FUNDC2: variants seen among roughly 807,000 people sequenced by gnomAD.
FUNDC2 encodes FUN14 domain-containing protein 2.
A neutral mutation model predicts 15.6 loss-of-function variants in FUNDC2; 4 were observed. The ratio of observed to expected loss-of-function variants is 0.26; its 90% CI spans 0.13 to 0.59. The LOEUF (loss-of-function observed/expected upper bound fraction) is 0.59. Among genes scored for constraint, FUNDC2 ranks in the 20% least tolerant of loss-of-function variants. The pLI, the probability that FUNDC2 is intolerant of heterozygous loss-of-function variation, is 0.90. For missense variants in FUNDC2, 98 were observed against 149.7 expected (o/e 0.65, Z 1.80); for synonymous variants, 44 against 56.9 (o/e 0.77, Z 1.02).
intron 4 of FUNDC2, chrX:155,054,321 G>T: frequency 2.7e-6 from 2 of 753,804 alleles, no homozygotes; most frequent in Non-Finnish European, 3.1e-6. Flanking sequence ...AAGAGCCATT[G>T]TCTCTACCTC....
intron 2 of FUNDC2, among the ~76,000 whole-genome samples, chrX:155,034,617 A>G (rs782805483): frequency 8.9e-6 from 1 of 112,502 alleles, no homozygotes; most frequent in South Asian, 3.7e-4. Context: ...TTAACAGTTT[A>G]CAGTCCCAGC....
Position 155,056,693 on chromosome X carries a change from TGTGACTTACCCACAGCAATGGGATG to T in FUNDC2, c.*2024_*2048del, listed in dbSNP as rs2073900086. The T allele has an allele frequency of 9.0e-6, 1 of 111,455 alleles. No individual in the cohort carries two copies. The highest frequency in any genetic ancestry group is 3.3e-5 in the African/African-American group (1 of 30,592). The allele number at this position is 111,455 out of a possible 1,213,427, so 9.2% of individuals were successfully genotyped here. ...ATAGTGGCTGCAGCCACTTTACCTG[TGTGACTTACCCACAGCAATGGGATG>T]GTAACAGCAAAGCTAACCAAAGTGC... On this transcript the variant is annotated 3_prime_UTR_variant, in exon 5 of 5. Transcript: ENST00000369498.
chrX:155,035,613 A>G (rs1173184658), intron 2 of FUNDC2, among the ~76,000 whole-genome samples: 1 of 111,656 alleles, frequency 9.0e-6, no homozygotes, highest in Non-Finnish European at 1.9e-5. Flanking sequence ...TATGTTTTCT[A>G]GATTCTTTTT....
rs1271243312 is a variant in FUNDC2, at chrX:155,058,874, AAAGTCAGTTT to A, written c.*4204_*4213del. ...CTTTTTCACATTTTTATAAAGCTTT[AAAGTCAGTTT>A]ACTGACTTTTCAAAAGTGTCTACCT... On this transcript the variant is annotated 3_prime_UTR_variant, in exon 5 of 5. Transcript: ENST00000369498. The A allele has an allele frequency of 2.7e-5, 3 of 111,333 alleles. No homozygotes were observed. The allele number at this position is 111,333 out of a possible 1,213,427, so 9.2% of individuals were successfully genotyped here.
intron 1 of FUNDC2, among the ~76,000 whole-genome samples, chrX:155,028,124 TC>T (rs2073802176): frequency 8.9e-6 from 1 of 112,040 alleles, no homozygotes; most frequent in African/African-American, 3.2e-5. Flanking sequence ...TATAGGTTGA[TC>T]AGGTATTTGC....
chrX:155,027,359 C>A (rs1028664677), intron 1 of FUNDC2: 2 of 198,446 alleles, frequency 1.0e-5, no homozygotes, highest in East Asian at 1.9e-4. Context: ...ATTCTGTCCC[C>A]GTTCTCGGAA....
At chrX:155,034,573 C>G (rs1557289010) in intron 2 of FUNDC2, among the ~76,000 whole-genome samples, 1 of 112,200 alleles carries the variant, frequency 8.9e-6, no homozygotes, top group Non-Finnish European at 1.9e-5. Context: ...TTCAGCTTCA[C>G]TAAATAATGT....
At chrX:155,031,014 TTTTC>T (rs2073813374) in intron 1 of FUNDC2, among the ~76,000 whole-genome samples, 2 of 111,416 alleles carry the variant, frequency 1.8e-5, no homozygotes, top group Non-Finnish European at 3.8e-5. Context: ...ATTCTGATTT[TTTTC>T]TTTGATTTTA....
In FUNDC2 at chrX:155,057,043, GCTAGT is replaced by G. The variant is rs1569560294; in HGVS notation, c.*2372_*2376del. 1 of 96,369 alleles carries G rather than the reference GCTAGT, an allele frequency of 1.0e-5. No individual in the cohort carries two copies. The highest frequency in any genetic ancestry group is 3.8e-5 in the African/African-American group (1 of 26,316). The allele number at this position is 96,369 out of a possible 1,213,427, so 7.9% of individuals were successfully genotyped here. A position where few individuals can be genotyped will look rare whatever the true frequency, so the allele number is the denominator to read the frequency against. On this transcript the variant is annotated 3_prime_UTR_variant, in exon 5 of 5. Coordinates refer to ENST00000369498, the MANE Select transcript of FUNDC2 (RefSeq NM_023934.4). ...CAGTATTGCAGGTTGGCCTCATCCTGCTAGTATGAGAACGGCTGTGAGTTCTGCCC... is the reference window on the plus strand; with the variant it reads ...CAGTATTGCAGGTTGGCCTCATCCTGATGAGAACGGCTGTGAGTTCTGCCC...
intron 3 of FUNDC2, chrX:155,050,686 GTACTATGGCTTGAT>G (rs782310249): frequency 1.8e-3 from 202 of 112,124 alleles, no homozygotes; most frequent in African/African-American, 6.1e-3. Context: ...ATAAATAAAG[GTACTATGGCTTGAT>G]TACTTGTGAA....
Position 155,058,900 on chromosome X carries a change from G to GTGTC in FUNDC2, c.*4230_*4233dup, listed in dbSNP as rs2073918086. The GTGTC allele has an allele frequency of 1.8e-5, 2 of 111,033 alleles. No individual in the cohort carries two copies. The highest frequency in any genetic ancestry group is 7.5e-4 in the South Asian group (2 of 2,653). 9.2% of individuals were successfully genotyped at this position (111,033 alleles called of 1,213,427 possible). ...AAGTCAGTTTACTGACTTTTCAAAA[G>GTGTC]TGTCTACCTTTTTAAATTTTAAAAT... On this transcript the variant is annotated 3_prime_UTR_variant, in exon 5 of 5. Coordinates refer to ENST00000369498, the MANE Select transcript of FUNDC2 (RefSeq NM_023934.4).
chrX:155,054,785 T>C lies in FUNDC2; in HGVS notation c.*113T>C, dbSNP rs192658327. ...TTCTCCCATGCCTTCTTCCCTGCCATGGCAAATCTGAGTGGCTTCTCTAAG... is the reference window on the plus strand; with the variant it reads ...TTCTCCCATGCCTTCTTCCCTGCCACGGCAAATCTGAGTGGCTTCTCTAAG... On this transcript the variant is annotated 3_prime_UTR_variant, in exon 5 of 5. Coordinates refer to ENST00000369498, the MANE Select transcript of FUNDC2 (RefSeq NM_023934.4). 23 of 648,664 alleles carry C rather than the reference T, an allele frequency of 3.5e-5. No individual in the cohort carries two copies. Among genetic ancestry groups the C allele is most frequent in the Middle Eastern group, 4.5e-4 (1 of 2,241 alleles). The allele number at this position is 648,664 out of a possible 1,213,427, so 53.5% of individuals were successfully genotyped here. A position where few individuals can be genotyped will look rare whatever the true frequency, so the allele number is the denominator to read the frequency against.
chrX:155,049,372 C>T (rs1285734759), intron 3 of FUNDC2: 2 of 112,947 alleles, frequency 1.8e-5, no homozygotes, highest in Non-Finnish European at 3.7e-5. Context: ...CTTTTGCCCC[C>T]TTGTGAAAAA....
Position 155,057,475 on chromosome X carries a change from G to C in FUNDC2, c.*2803G>C, listed in dbSNP as rs1403800666. ...GAAGTTTTTCCTTGGGAAGAGCGTT[G>C]TCGCTGTATATGGTCCGCAGAAACT... is the stretch of plus-strand genomic sequence containing the variant. On this transcript the variant is annotated 3_prime_UTR_variant, in exon 5 of 5. Coordinates refer to ENST00000369498, the MANE Select transcript of FUNDC2 (RefSeq NM_023934.4). 8.9e-6 allele frequency: 1 copy of C among 112,027 alleles called. No homozygotes were observed. The allele number at this position is 112,027 out of a possible 1,213,427, so 9.2% of individuals were successfully genotyped here. A position where few individuals can be genotyped will look rare whatever the true frequency, so the allele number is the denominator to read the frequency against.
chrX:155,038,673 C>T (rs1208724894), intron 2 of FUNDC2, among the ~76,000 whole-genome samples: 1 of 112,439 alleles, frequency 8.9e-6, no homozygotes, highest in Non-Finnish European at 1.9e-5. Flanking sequence ...CATGTTGTCA[C>T]AAATATCAAG....
At chrX:155,030,367 C>CAA (rs1275771643) in intron 1 of FUNDC2, among the ~76,000 whole-genome samples, 122 of 27,508 alleles carry the variant, frequency 4.4e-3, no homozygotes, top group African/African-American at 6.7e-3. Flanking sequence ...CTCCTGTCTA[C>CAA]AAAAAAAAAA....
intron 2 of FUNDC2, among the ~76,000 whole-genome samples, chrX:155,044,857 A>C (rs1225260563): frequency 8.9e-6 from 1 of 112,083 alleles, no homozygotes; most frequent in Non-Finnish European, 1.9e-5. Context: ...TCCTCTTCTG[A>C]GTATATACCC....
In FUNDC2 at chrX:155,027,043, G is replaced by C. The variant is rs782777958; in HGVS notation, c.105G>C (p.Lys35Asn). ...CTCTACGTGTGTCCTCGCGAGACAA[G>C]CTCACCGAAATGGCCGCGTCCAGTC... ...ADPLRVSSRD[K>N]LTEMAASSQG... Residue 35 changes from lysine to asparagine, a missense_variant, in exon 1 of 5, where the codon AAG (lysine) becomes AAC (asparagine). Physicochemically the swap from Lys to Asn is moderately conservative, Grantham distance 94. Coordinates refer to ENST00000369498, the MANE Select transcript of FUNDC2 (RefSeq NM_023934.4). 2.5e-6 allele frequency: 3 copies of C among 1,192,296 alleles called. No homozygotes were observed. The East Asian group carries it at 9.2e-5, about 36-fold the overall frequency.
intron 4 of FUNDC2, chrX:155,054,096 T>C (rs1557290672): frequency 3.3e-5 from 25 of 750,618 alleles, no homozygotes; most frequent in Non-Finnish European, 3.9e-5. Context: ...TTATAGCATC[T>C]ACCTGGGAGC....
Sources: gnomAD v4.1 joint callset for allele counts (sites outside exome capture counted in the v4.1 genomes callset) on GRCh38, gnomAD v4.1.1 for gene constraint, MANE v1.5 for transcripts, NCBI Gene and HGNC (gene_info 2026-07-23, HGNC 2026-07-21) for gene names.